ZC3H6: variants seen among roughly 807,000 people sequenced by gnomAD.
The protein encoded by ZC3H6 is zinc finger CCCH-type containing 6, also known as zinc finger CCCH domain-containing protein 6.
Under a neutral mutation model 107.7 loss-of-function variants are expected in ZC3H6, and 40 were observed. That is an observed-to-expected ratio of 0.37 (90% CI 0.29 to 0.48). The LOEUF (loss-of-function observed/expected upper bound fraction) is 0.48. Ranked by LOEUF, ZC3H6 falls within the 20% of genes least tolerant of loss-of-function variation. ZC3H6 has a pLI of 0.98. For synonymous variants in ZC3H6, 493 were observed against 487.9 expected (o/e 1.01, Z -0.14); for missense variants, 1,267 against 1,410.4 (o/e 0.90, Z 1.63).
At position 112,275,889 on chromosome 2, in the gene ZC3H6, C is replaced by A; in HGVS notation, c.-106C>A. 1 of 913,230 alleles carries A rather than the reference C, an allele frequency of 1.1e-6. No individual in the cohort carries two copies. The highest frequency in any genetic ancestry group is 1.6e-6 in the Non-Finnish European group (1 of 624,560). 56.6% of individuals were successfully genotyped at this position (913,230 alleles called of 1,614,324 possible). On this transcript the variant is annotated 5_prime_UTR_variant, in exon 1 of 12. Coordinates refer to ENST00000409871, the MANE Select transcript of ZC3H6 (RefSeq NM_198581.3). ...TTACCACTTCGTCACCTGTCGGCGG[C>A]GGCCGGGAGCAGGTTCCCGCAGGCG...
intron 11 of ZC3H6, among the ~76,000 whole-genome samples, chr2:112,327,689 T>C (rs1439020413): frequency 6.6e-6 from 1 of 152,172 alleles, no homozygotes; most frequent in East Asian, 1.9e-4. Flanking sequence ...TTTTTGTGTA[T>C]GGTGAGAGAT....
chr2:112,294,198 G>A (rs192041113), intron 1 of ZC3H6, among the ~76,000 whole-genome samples: 2 of 151,126 alleles, frequency 1.3e-5, no homozygotes, highest in African/African-American at 4.8e-5. Flanking sequence ...TTGGGCTTAC[G>A]TAAGTAGCCT....
chr2:112,331,678 T>C lies in ZC3H6; in HGVS notation c.2760T>C (p.Asp920=). 6.2e-7 allele frequency: 1 copy of C among 1,613,902 alleles called. No individual in the cohort carries two copies. The highest frequency in any genetic ancestry group is 8.5e-7 in the Non-Finnish European group (1 of 1,179,874). The change falls in exon 12 of 12, where the codon GAT becomes GAC. Residue 920 remains aspartate (D), a synonymous_variant. Coordinates refer to ENST00000409871, the MANE Select transcript of ZC3H6 (RefSeq NM_198581.3). The part of the protein sequence containing the change: ...RLNRLWNTKS[D]LHQNTVSIDP... ...ATAGATTATGGAATACAAAAAGTGATCTTCATCAAAATACAGTGTCCATTG... is the reference window on the plus strand; with the variant it reads ...ATAGATTATGGAATACAAAAAGTGACCTTCATCAAAATACAGTGTCCATTG...
Position 112,331,332 on chromosome 2 carries a change from T to C in ZC3H6, c.2414T>C (p.Phe805Ser). 1 of 1,613,642 alleles carries C rather than the reference T, an allele frequency of 6.2e-7. No homozygotes were observed. Among genetic ancestry groups the C allele is most frequent in the Non-Finnish European group, 8.5e-7 (1 of 1,179,872 alleles). The change falls in exon 12 of 12, where the codon TTT becomes TCT. Residue 805 changes from phenylalanine to serine, a missense_variant. By Grantham distance (155) the Phe-to-Ser change is radical (BLOSUM62 -2). Coordinates refer to ENST00000409871, the MANE Select transcript of ZC3H6 (RefSeq NM_198581.3). The stretch of plus-strand genomic sequence containing the variant: ...GGCTCTTCTGTTGGTGGAGCAAAGT[T>C]TGATTTGCATCATGCAAATGCTGGC... The part of the protein sequence containing the change: ...HIGSSVGGAK[F>S]DLHHANAGTN...
Position 112,326,862 on chromosome 2 carries a change from C to G in ZC3H6, c.2086+1665C>G, listed in dbSNP as rs576683962. 2.6e-5 allele frequency among the ~76,000 whole-genome samples: 4 copies of G among 152,280 alleles called. No homozygotes were observed. The South Asian group carries it at 8.3e-4, about 32-fold the overall frequency. On this transcript the variant is annotated intron_variant, in intron 11 of 11. Coordinates refer to ENST00000409871, the MANE Select transcript of ZC3H6 (RefSeq NM_198581.3). ...TCCTGACCTCAGGTGATCTGCCCGC[C>G]TCGGCCTCCCAAAGTGCTGGGATTA...
intron 1 of ZC3H6, among the ~76,000 whole-genome samples, chr2:112,296,358 G>T (rs1009940234): frequency 6.6e-6 from 1 of 151,688 alleles, no homozygotes; most frequent in Non-Finnish European, 1.5e-5. Context: ...TTGTTTTTTT[G>T]TAGCAGTTGT....
rs369827812 is a variant in ZC3H6 at position 112,286,686 on chromosome 2, G to A, written c.32+10660G>A. Among the ~76,000 whole-genome samples the A allele has an allele frequency of 1.3e-4, 20 of 152,290 alleles. No individual in the cohort carries two copies. In the East Asian group the frequency reaches 3.7e-3, roughly 28 times the overall value. ...CCTCCTGGGCTCAAGTGATCTGCCC[G>A]CTTTGGCCTTCCAAAGTGCTGGGCT... is the stretch of plus-strand genomic sequence containing the variant. On this transcript the variant is annotated intron_variant, in intron 1 of 11. Coordinates refer to ENST00000409871, the MANE Select transcript of ZC3H6 (RefSeq NM_198581.3).
Position 112,322,836 on chromosome 2 carries a change from A to G in ZC3H6, c.1274A>G (p.Lys425Arg). The G allele has an allele frequency of 6.2e-7, 1 of 1,613,638 alleles. No homozygotes were observed. Among genetic ancestry groups the G allele is most frequent in the Non-Finnish European group, 8.5e-7 (1 of 1,179,810 alleles). The change falls in exon 9 of 12, where the codon AAA becomes AGA. Residue 425 changes from lysine to arginine, a missense_variant. By Grantham distance (26) the Lys-to-Arg change is conservative. Coordinates refer to ENST00000409871, the MANE Select transcript of ZC3H6 (RefSeq NM_198581.3). The stretch of plus-strand genomic sequence containing the variant: ...ACAGATTTCTCTGATGATTTTAGGA[A>G]AATTCCATCTCTTTTTGAAATAGTT... ...FQTDFSDDFR[K>R]IPSLFEIVVK...
chr2:112,312,069 T>C, intron 5 of ZC3H6, 132 bp downstream of exon 5: 1 of 901,574 alleles, frequency 1.1e-6, no homozygotes. Flanking sequence ...ATAAAATGAG[T>C]ATCAATAACC....
chr2:112,297,255 T>G (rs1479815167), intron 1 of ZC3H6, among the ~76,000 whole-genome samples: 3 of 152,216 alleles, frequency 2.0e-5, no homozygotes, highest in Non-Finnish European at 4.4e-5. Context: ...AGTGGATTAT[T>G]TTGAAGCAGA....
Position 112,324,170 on chromosome 2 carries a change from C to T in ZC3H6, c.1359C>T (p.Thr453=). The T allele has an allele frequency of 6.3e-7, 1 of 1,582,252 alleles. No individual in the cohort carries two copies. Among genetic ancestry groups the T allele is most frequent in the Non-Finnish European group, 8.6e-7 (1 of 1,157,048 alleles). The part of the protein sequence containing the change: ...KIGRKPPAFY[T]SASPPGPQFQ... ...TCTACAGGCCACCAGCATTTTATAC[C>T]AGTGCCTCACCACCAGGACCACAAT... Residue 453 remains threonine, a synonymous_variant, in exon 10 of 12, where the codon ACC becomes ACT. Transcript: ENST00000409871.
chr2:112,293,805 G>T (rs1676168050), intron 1 of ZC3H6, among the ~76,000 whole-genome samples: 1 of 152,222 alleles, frequency 6.6e-6, no homozygotes, highest in African/African-American at 2.4e-5. Flanking sequence ...GACATATTCA[G>T]ACAGTTTATT....
intron 11 of ZC3H6, among the ~76,000 whole-genome samples, chr2:112,325,539 T>A (rs1676891448): frequency 6.6e-6 from 1 of 152,198 alleles, no homozygotes; most frequent in Non-Finnish European, 1.5e-5. Context: ...ATCTTGTGAT[T>A]GATTGTGGTT....
chr2:112,281,049 G>A (rs1686516695), intron 1 of ZC3H6, among the ~76,000 whole-genome samples: 2 of 152,102 alleles, frequency 1.3e-5, no homozygotes, highest in South Asian at 2.1e-4. Flanking sequence ...CAGGAATACA[G>A]CAATAAAGAA....
intron 11 of ZC3H6, among the ~76,000 whole-genome samples, chr2:112,326,878 G>A (rs1676915137): frequency 6.6e-6 from 1 of 152,146 alleles, no homozygotes; most frequent in Admixed American, 6.5e-5. Flanking sequence ...CTCCCAAAGT[G>A]CTGGGATTAC....
intron 1 of ZC3H6, among the ~76,000 whole-genome samples, chr2:112,288,243 A>G (rs1377074867): frequency 3.3e-5 from 5 of 151,904 alleles, no homozygotes; most frequent in Admixed American, 1.3e-4. Context: ...ATAATTTTTC[A>G]TTGGTATTCT....
At chr2:112,297,210 T>C (rs1676257131) in intron 1 of ZC3H6, among the ~76,000 whole-genome samples, 1 of 152,246 alleles carries the variant, frequency 6.6e-6, no homozygotes, top group South Asian at 2.1e-4. Flanking sequence ...TACCAACTCA[T>C]GGCCAATCTT....
At chr2:112,290,956 C>CATTATG (rs58763960) in intron 1 of ZC3H6, among the ~76,000 whole-genome samples, 16 of 151,874 alleles carry the variant, frequency 1.1e-4, no homozygotes, top group Non-Finnish European at 5.9e-5. Context: ...GTAATATCAT[C>CATTATG]AGGACCCAGA....
At chr2:112,321,109 A>C (rs993889640) in intron 7 of ZC3H6, among the ~76,000 whole-genome samples, 2 of 152,082 alleles carry the variant, frequency 1.3e-5, no homozygotes, top group Non-Finnish European at 2.9e-5. Flanking sequence ...CCCTGAACAT[A>C]CATCACCTGA....
Sources: allele counts gnomAD v4.1 joint callset (sites outside exome capture counted in the v4.1 genomes callset), GRCh38; gene constraint gnomAD v4.1.1; transcripts MANE v1.5; gene names NCBI Gene and HGNC (gene_info 2026-07-23, HGNC 2026-07-21).